The following MAGOHB variants were observed in gnomAD, a reference collection of about 807,000 sequenced individuals.
MAGOHB encodes mago homolog B, exon junction complex subunit, also known as protein mago nashi homolog 2.
In MAGOHB, 15 loss-of-function variants were observed where a neutral mutation model predicts 20.9. The ratio of observed to expected loss-of-function variants is 0.72; its 90% CI spans 0.48 to 1.11. The LOEUF (loss-of-function observed/expected upper bound fraction) is 1.11, where lower values mean the gene tolerates loss of function less well. MAGOHB is among the 50% of genes least tolerant of loss of function. The pLI, the probability that MAGOHB is intolerant of heterozygous loss-of-function variation, is 0.00. For synonymous variants in MAGOHB, 50 were observed against 57.9 expected, an observed-to-expected ratio of 0.86 and a Z score of 0.62; for missense variants, 162 against 177.6, an observed-to-expected ratio of 0.91 and a Z score of 0.50.
At chr12:10,610,746 C>G in intron 1 of MAGOHB, 66 bp from the exon 2 acceptor site, 1 of 1,459,364 alleles carries the variant, frequency 6.9e-7, no homozygotes, top group Non-Finnish European at 9.3e-7. Flanking sequence ...ACATCATATA[C>G]AATTTTGAAG....
chr12:10,607,792 A>G (rs1412961592), intron 4 of MAGOHB, 62 bp downstream of exon 4: 10 of 881,610 alleles, frequency 1.1e-5, no homozygotes, highest in South Asian at 3.0e-5. Context: ...CAAACTGACT[A>G]TAGTTCTAAA....
intron 1 of MAGOHB, among the ~76,000 whole-genome samples, chr12:10,611,664 C>A (rs1209148716): frequency 7.0e-6 from 1 of 141,856 alleles, no homozygotes; most frequent in Non-Finnish European, 1.5e-5. Context: ...AGGAGAATCG[C>A]TTCAATCCAC....
At chr12:10,603,257 T>C (rs1865570627), downstream of MAGOHB, among the ~76,000 whole-genome samples, 1 of 137,906 alleles carries the variant, frequency 7.3e-6, no homozygotes. Context: ...GAGCTTGCAG[T>C]GAGCCGAGAT....
chr12:10,605,658 G>A lies in MAGOHB; in HGVS notation c.*617C>T, dbSNP rs536842770. 1 of 152,194 alleles carries A rather than the reference G, an allele frequency of 6.6e-6. No individual in the cohort carries two copies. The highest frequency in any genetic ancestry group is 6.5e-5 in the Admixed American group (1 of 15,284). The allele number at this position is 152,194 out of a possible 1,614,324, so 9.4% of individuals were successfully genotyped here. A position where few individuals can be genotyped will look rare whatever the true frequency, so the allele number is the denominator to read the frequency against. Reference sequence around the variant, plus strand: ...ACACACCAAATACATTGTGAAATAAGGAATAAAGACATAATCAAAGATATG... The same window carrying A: ...ACACACCAAATACATTGTGAAATAAAGAATAAAGACATAATCAAAGATATG... On this transcript the variant is annotated 3_prime_UTR_variant, in exon 5 of 5. Transcript: ENST00000320756.
intron 1 of MAGOHB, among the ~76,000 whole-genome samples, chr12:10,611,741 C>CT (rs2120537797): frequency 1.3e-5 from 1 of 75,630 alleles, no homozygotes; most frequent in Non-Finnish European, 2.5e-5. Context: ...GAGCAAGACT[C>CT]TGTCTCAAAA....
rs1865694285 is a variant in MAGOHB, at chr12:10,609,954, C to A, written c.154-13G>T. The stretch of plus-strand genomic sequence containing the variant: ...TGTGCACATAAGCCTAAAAATTAAT[C>A]ATAATAAAATGAGATAATGCCCACC... On this transcript the variant is annotated splice_polypyrimidine_tract_variant and intron_variant, in intron 2 of 4. Coordinates refer to ENST00000320756, the MANE Select transcript of MAGOHB (RefSeq NM_018048.5). The A allele has an allele frequency of 2.7e-6, 4 of 1,507,682 alleles. No individual in the cohort carries two copies. The highest frequency in any genetic ancestry group is 3.6e-6 in the Non-Finnish European group (4 of 1,098,816). 93.4% of individuals were successfully genotyped at this position (1,507,682 alleles called of 1,614,324 possible). A position where few individuals can be genotyped will look rare whatever the true frequency, so the allele number is the denominator to read the frequency against.
chr12:10,611,165 T>C (rs1315322021), intron 1 of MAGOHB, among the ~76,000 whole-genome samples: 1 of 152,212 alleles, frequency 6.6e-6, no homozygotes, highest in Non-Finnish European at 1.5e-5. Context: ...CTACTTTCTT[T>C]CAATACTCAG....
At chr12:10,611,896 G>A (rs777188599) in intron 1 of MAGOHB, among the ~76,000 whole-genome samples, 1 of 151,958 alleles carries the variant, frequency 6.6e-6, no homozygotes, top group Non-Finnish European at 1.5e-5. Flanking sequence ...TAATATTCAG[G>A]TACTTAATTC....
chr12:10,613,497 G>T lies in MAGOHB; in HGVS notation c.36C>A (p.Tyr12Ter). The change falls in exon 1 of 5, where the codon TAC becomes TAA. Residue 12 changes from tyrosine to a stop codon, truncating the protein, a stop_gained. Transcript: ENST00000320756. LOFTEE classifies it high-confidence loss of function. ...GCCCAAACTTGCCCTTGTGCCCTAC[G>T]TAGTAGCGCAGGTAGAAATCGCTAG... ...AVASDFYLRY[Y>*]VGHKGKFGHE... The T allele has an allele frequency of 6.2e-7, 1 of 1,613,934 alleles. No homozygotes were observed. The highest frequency in any genetic ancestry group is 8.5e-7 in the Non-Finnish European group (1 of 1,179,854).
At chr12:10,611,714 C>A (rs1865741544) in intron 1 of MAGOHB, among the ~76,000 whole-genome samples, 2 of 130,646 alleles carry the variant, frequency 1.5e-5, no homozygotes, top group East Asian at 4.4e-4. Flanking sequence ...CACCACTGCA[C>A]TGCAGCCTGG....
downstream of MAGOHB, among the ~76,000 whole-genome samples, chr12:10,600,172 T>A (rs1865541025): frequency 6.6e-6 from 1 of 152,076 alleles, no homozygotes; most frequent in Non-Finnish European, 1.5e-5. Flanking sequence ...TTTCTCTGTA[T>A]GTTGTGCTTA....
At chr12:10,603,012 C>G (rs1471789142), downstream of MAGOHB, among the ~76,000 whole-genome samples, 1 of 152,108 alleles carries the variant, frequency 6.6e-6, no homozygotes, top group South Asian at 2.1e-4. Flanking sequence ...GTTCTAATGC[C>G]TAACTTTTAT....
At chr12:10,613,334 C>T in intron 1 of MAGOHB, 105 bp downstream of exon 1, 2 of 955,000 alleles carry the variant, frequency 2.1e-6, no homozygotes, top group East Asian at 4.8e-5. Context: ...GCTCCTATTT[C>T]CTTCGAGGGA....
At chr12:10,609,748 C>T in intron 3 of MAGOHB, 83 bp downstream of exon 3, 1 of 851,300 alleles carries the variant, frequency 1.2e-6, no homozygotes, top group Non-Finnish European at 1.9e-6. Context: ...TCAACTTAGA[C>T]TCATTCCAAA....
intron 1 of MAGOHB, among the ~76,000 whole-genome samples, chr12:10,611,771 A>AAAAAAAAAAAAAAAAG (rs1555146555): frequency 2.3e-4 from 21 of 93,084 alleles, no homozygotes; most frequent in Middle Eastern, 7.4e-3. Flanking sequence ...AAAAAAAAAA[A>AAAAAAAAAAAAAAAAG]AAAAGAAAAG....
intron 1 of MAGOHB, 26 bp from the exon 2 acceptor site, chr12:10,610,706 T>C (rs1167282547): frequency 2.6e-6 from 4 of 1,563,340 alleles, no homozygotes. Flanking sequence ...AAAAATCAAT[T>C]TATAATAGCA....
intron 1 of MAGOHB, chr12:10,612,796 A>T: frequency 7.8e-7 from 1 of 1,286,314 alleles, no homozygotes; most frequent in Non-Finnish European, 1.0e-6. Flanking sequence ...GTTGCACACT[A>T]CTTGGGTAGC....
downstream of MAGOHB, among the ~76,000 whole-genome samples, chr12:10,601,419 C>G (rs866884686): frequency 3.9e-5 from 6 of 152,224 alleles, no homozygotes; most frequent in Middle Eastern, 0.02. Flanking sequence ...CACAATGGAC[C>G]GTGAATTCAG....
Position 10,613,455 on chromosome 12 carries a change from G to T in MAGOHB, c.78C>A (p.Phe26Leu). 6.2e-7 allele frequency: 1 copy of T among 1,614,006 alleles called. No homozygotes were observed. The change falls in exon 1 of 5, where the codon TTC becomes TTA. Residue 26 changes from phenylalanine (F) to leucine (L), a missense_variant. Coordinates refer to ENST00000320756, the MANE Select transcript of MAGOHB (RefSeq NM_018048.5). ...TCTTCTCACCGTCCGGCCGAAATTC[G>T]AACTCCAGAAACTCGTGCCCAAACT... ...KGKFGHEFLE[F>L]EFRPDGKLRY...
Sources: gnomAD v4.1 joint callset for allele counts (sites outside exome capture counted in the v4.1 genomes callset) on GRCh38, gnomAD v4.1.1 for gene constraint, MANE v1.5 for transcripts, NCBI Gene and HGNC (gene_info 2026-07-23, HGNC 2026-07-21) for gene names.